RHNO1: variants seen among roughly 807,000 people sequenced by gnomAD.
The protein encoded by RHNO1 is RAD9-HUS1-RAD1 interacting nuclear orphan 1, also known as RAD9, HUS1, RAD1-interacting nuclear orphan protein 1.
Under a neutral mutation model 7.2 loss-of-function variants are expected in RHNO1, and 9 were observed. That is an observed-to-expected ratio of 1.25 (90% CI 0.75 to 2.18). The LOEUF (loss-of-function observed/expected upper bound fraction) is 2.18, where lower values mean the gene tolerates loss of function less well. Among genes scored for constraint, RHNO1 ranks in the 30% most tolerant of loss-of-function variants. RHNO1 has a pLI of 0.00. For missense variants in RHNO1, 292 were observed against 284.5 expected (o/e 1.03, Z -0.19); for synonymous variants, 95 against 107.5 (o/e 0.88, Z 0.72).
At position 2,885,463 on chromosome 12, in the gene RHNO1, A is replaced by G. The variant is rs763382048; in HGVS notation, c.97A>G (p.Thr33Ala). 6.2e-6 allele frequency: 10 copies of G among 1,612,754 alleles called. No homozygotes were observed. In the South Asian group the frequency reaches 9.9e-5, roughly 16 times the overall value. ...GGGCCCCAAACACAGCTGTGCATCT[A>G]CACAGCTTCCCATCACTCACACTCG... The part of the protein sequence containing the change: ...LEGPKHSCAS[T>A]QLPITHTRQV... The change falls in exon 2 of 3, where the codon ACA becomes GCA. Residue 33 changes from threonine (T) to alanine (A), a missense_variant. Transcript: ENST00000489288.
intron 1 of RHNO1, among the ~76,000 whole-genome samples, chr12:2,884,437 G>A (rs1485732505): frequency 6.6e-6 from 1 of 152,202 alleles, no homozygotes; most frequent in Non-Finnish European, 1.5e-5. Context: ...ATGTTGGCCA[G>A]GCTGGCCTTG....
At chr12:2,885,743 T>G in intron 2 of RHNO1, 1 of 437,088 alleles carries the variant, frequency 2.3e-6, no homozygotes. Context: ...CCCGGCTAAT[T>G]TTTTTGTATT....
At chr12:2,882,842 G>T (rs1216151918) in intron 1 of RHNO1, among the ~76,000 whole-genome samples, 1 of 152,114 alleles carries the variant, frequency 6.6e-6, no homozygotes, top group Non-Finnish European at 1.5e-5. Context: ...GGGAAGGATT[G>T]GTTGAGCCCA....
At chr12:2,884,411 G>A (rs2153945507) in intron 1 of RHNO1, among the ~76,000 whole-genome samples, 1 of 152,344 alleles carries the variant, frequency 6.6e-6, no homozygotes, top group East Asian at 1.9e-4. Flanking sequence ...ATTTTTAGTA[G>A]AGGTGGGATT....
In RHNO1 at chr12:2,885,391, C is replaced by T; in HGVS notation, c.25C>T (p.Gln9Ter). 1.2e-6 allele frequency: 2 copies of T among 1,613,506 alleles called. No individual in the cohort carries two copies. The highest frequency in any genetic ancestry group is 8.5e-7 in the Non-Finnish European group (1 of 1,179,838). ...GATGCCTCCCAGAAAAAAACGCCGC[C>T]AGCCTTCCCAGAAAGCCCCGCTGCT... is the stretch of plus-strand genomic sequence containing the variant. The part of the protein sequence containing the change: MPPRKKRR[Q>*]PSQKAPLLFH... Residue 9 changes from glutamine to a stop codon, truncating the protein, a stop_gained, in exon 2 of 3, where the codon CAG becomes TAG. Coordinates refer to ENST00000489288, the MANE Select transcript of RHNO1 (RefSeq NM_001252499.3). LOFTEE classifies it high-confidence loss of function.
At chr12:2,876,738 C>T (rs2098144940), upstream of RHNO1, among the ~76,000 whole-genome samples, 2 of 152,202 alleles carry the variant, frequency 1.3e-5, no homozygotes, top group African/African-American at 4.8e-5. Flanking sequence ...AGTGAGAAGG[C>T]CACGGCCAGG....
At chr12:2,884,588 C>G (rs776676562) in intron 1 of RHNO1, among the ~76,000 whole-genome samples, 10 of 151,354 alleles carry the variant, frequency 6.6e-5, no homozygotes, top group Non-Finnish European at 1.0e-4. Flanking sequence ...GTCTCAAACT[C>G]CTGACCTCAG....
chr12:2,881,417 A>T (rs2098157435), intron 1 of RHNO1, among the ~76,000 whole-genome samples: 1 of 151,830 alleles, frequency 6.6e-6, no homozygotes, highest in African/African-American at 2.4e-5. Flanking sequence ...TATACTTTTT[A>T]TTCCTTTCCG....
chr12:2,887,498 A>C (rs942928199), intron 2 of RHNO1, among the ~76,000 whole-genome samples: 1 of 151,500 alleles, frequency 6.6e-6, no homozygotes, highest in Non-Finnish European at 1.5e-5. Context: ...AAAAAAAAAA[A>C]AATACCTGGG....
At chr12:2,878,629 C>G (rs186785949) in intron 1 of RHNO1, among the ~76,000 whole-genome samples, 91 of 151,876 alleles carry the variant, frequency 6.0e-4, no homozygotes, top group Middle Eastern at 6.8e-3. Flanking sequence ...TAGGGCAGAA[C>G]AGTTGGATGT....
chr12:2,882,304 A>G (rs1005475664), intron 1 of RHNO1, among the ~76,000 whole-genome samples: 9 of 151,044 alleles, frequency 6.0e-5, no homozygotes, highest in Non-Finnish European at 1.2e-4. Flanking sequence ...AAATAAATAA[A>G]TAAATAAATA....
intron 2 of RHNO1, chr12:2,886,966 T>C (rs1329775104): frequency 2.2e-6 from 1 of 456,012 alleles, no homozygotes; most frequent in Middle Eastern, 3.3e-4. Context: ...CTGAGGGCCT[T>C]CTTTGTTCCA....
In RHNO1 at chr12:2,887,892, CTT is replaced by C. The variant is rs75958137; in HGVS notation, c.169-5_169-4del. On this transcript the variant is annotated splice_polypyrimidine_tract_variant and intron_variant, in intron 2 of 2. Transcript: ENST00000489288. The stretch of plus-strand genomic sequence containing the variant: ...TTAGTACTTAGTTAGGCTCACCTCA[CTT>C]TTTTTTTTTTTTTAAGGTATCACCT... 1,429 of 1,365,458 alleles carry C rather than the reference CTT, an allele frequency of 1.0e-3. No individual in the cohort carries two copies. The highest frequency in any genetic ancestry group is 2.3e-3 in the South Asian group (151 of 66,928). The allele number at this position is 1,365,458 out of a possible 1,614,324, so 84.6% of individuals were successfully genotyped here. A position where few individuals can be genotyped will look rare whatever the true frequency, so the allele number is the denominator to read the frequency against.
At position 2,885,423 on chromosome 12, in the gene RHNO1, C is replaced by T. The variant is rs2098164105; in HGVS notation, c.57C>T (p.His19=). Residue 19 remains histidine, a synonymous_variant, in exon 2 of 3, where the codon CAC becomes CAT. Coordinates refer to ENST00000489288, the MANE Select transcript of RHNO1 (RefSeq NM_001252499.3). The part of the protein sequence containing the change: ...QPSQKAPLLF[H]QQPLEGPKHS... The stretch of plus-strand genomic sequence containing the variant: ...CCCAGAAAGCCCCGCTGCTGTTCCA[C>T]CAACAACCACTGGAGGGCCCCAAAC... 23 of 1,613,970 alleles carry T rather than the reference C, an allele frequency of 1.4e-5. No homozygotes were observed. The highest frequency in any genetic ancestry group is 1.9e-5 in the Non-Finnish European group (23 of 1,180,022).
At chr12:2,884,232 TTTTGTTTG>T (rs113654982) in intron 1 of RHNO1, among the ~76,000 whole-genome samples, 2,161 of 152,030 alleles carry the variant, frequency 0.014, 54 homozygotes, top group African/African-American at 0.05. Context: ...GGCTAATCTT[TTTTGTTTG>T]TTTGTTTGTT....
At chr12:2,887,821 C>T in intron 2 of RHNO1, 90 bp from the exon 3 acceptor site, 1 of 1,075,966 alleles carries the variant, frequency 9.3e-7, no homozygotes, top group Non-Finnish European at 1.3e-6. Flanking sequence ...CTACAGTAGA[C>T]CCCGATTTAA....
chr12:2,881,714 G>A (rs1565487179), intron 1 of RHNO1, among the ~76,000 whole-genome samples: 2 of 151,590 alleles, frequency 1.3e-5, no homozygotes, highest in African/African-American at 4.9e-5. Context: ...AGACCAGCCT[G>A]GTCAACATAG....
At chr12:2,885,821 C>T (rs956540021) in intron 2 of RHNO1, 15 of 209,246 alleles carry the variant, frequency 7.2e-5, no homozygotes, top group African/African-American at 1.9e-4. Flanking sequence ...GTGATCCGCC[C>T]GCCTCGGCCT....
chr12:2,885,374 C>T lies in RHNO1; in HGVS notation c.8C>T (p.Pro3Leu). The stretch of plus-strand genomic sequence containing the variant: ...TTCCTCATTCACCGGTTGATGCCTC[C>T]CAGAAAAAAACGCCGCCAGCCTTCC... The part of the protein sequence containing the change: MP[P>L]RKKRRQPSQK... Residue 3 changes from proline to leucine, a missense_variant, in exon 2 of 3, where the codon CCC (proline) becomes CTC (leucine). Pro to Leu is a moderately conservative substitution (Grantham distance 98, BLOSUM62 -3). Coordinates refer to ENST00000489288, the MANE Select transcript of RHNO1 (RefSeq NM_001252499.3). The T allele has an allele frequency of 6.2e-7, 1 of 1,612,772 alleles. No homozygotes were observed. Among genetic ancestry groups the T allele is most frequent in the Non-Finnish European group, 8.5e-7 (1 of 1,179,566 alleles).
Sources: allele counts gnomAD v4.1 joint callset (sites outside exome capture counted in the v4.1 genomes callset), GRCh38; gene constraint gnomAD v4.1.1; transcripts MANE v1.5; gene names NCBI Gene and HGNC (gene_info 2026-07-23, HGNC 2026-07-21).